The following STON1 variants were observed in gnomAD, a reference collection of about 807,000 sequenced individuals.
STON1 encodes stonin-1.
STON1 carries 79 observed loss-of-function variants against 60.9 expected under a neutral mutation model. The observed-to-expected ratio is 1.30, with a 90% CI of 1.08 to 1.56. The LOEUF (loss-of-function observed/expected upper bound fraction) is 1.56, where lower values mean the gene tolerates loss of function less well. Ranked by LOEUF, STON1 falls within the 40% of genes most tolerant of loss-of-function variation. The pLI is 0.00. For missense variants in STON1, 1,166 were observed against 858.9 expected (o/e 1.36, Z -4.47); for synonymous variants, 363 against 306.9 (o/e 1.18, Z -1.91).
intron 1 of STON1, among the ~76,000 whole-genome samples, chr2:48,569,374 G>C (rs962016885): frequency 6.6e-6 from 1 of 152,190 alleles, no homozygotes; most frequent in Non-Finnish European, 1.5e-5. Context: ...TATTCAATCA[G>C]AAATGTATTA....
chr2:48,559,590 C>A (rs536253550), intron 1 of STON1, among the ~76,000 whole-genome samples: 3 of 152,174 alleles, frequency 2.0e-5, no homozygotes, highest in African/African-American at 4.8e-5. Flanking sequence ...AGAGCATAAA[C>A]GTAACTAATG....
intron 1 of STON1, among the ~76,000 whole-genome samples, chr2:48,564,045 G>T (rs907663134): frequency 6.6e-6 from 1 of 152,048 alleles, no homozygotes; most frequent in African/African-American, 2.4e-5. Context: ...CCTCCTGTTA[G>T]AGGCCCGTGA....
chr2:48,545,021 C>G (rs965330248), intron 1 of STON1, among the ~76,000 whole-genome samples: 10 of 152,142 alleles, frequency 6.6e-5, no homozygotes, highest in Admixed American at 3.3e-4. Flanking sequence ...GTGAAACTCC[C>G]GGTGACTCTT....
intron 1 of STON1, among the ~76,000 whole-genome samples, chr2:48,578,777 G>A (rs1490575350): frequency 4.6e-5 from 7 of 151,702 alleles, no homozygotes; most frequent in African/African-American, 1.7e-4. Context: ...TTTTAGTAGA[G>A]ACTGGGTTTT....
At chr2:48,557,818 G>C (rs910436629) in intron 1 of STON1, among the ~76,000 whole-genome samples, 2 of 152,222 alleles carry the variant, frequency 1.3e-5, no homozygotes, top group Non-Finnish European at 2.9e-5. Context: ...CATAGACTTG[G>C]AGACTTAAAT....
Position 48,580,707 on chromosome 2 carries a change from A to G in STON1, c.74A>G (p.Lys25Arg). The G allele has an allele frequency of 6.8e-7, 1 of 1,469,688 alleles. No homozygotes were observed. The highest frequency in any genetic ancestry group is 1.5e-5 in the South Asian group (1 of 65,034). 91.0% of individuals were successfully genotyped at this position (1,469,688 alleles called of 1,614,324 possible). ...GCTGTTCAATCTTCTCAAAAGTCAA[A>G]GAATTTTCCTCTGGAGAATCAAGGT... ...DPAVQSSQKS[K>R]NFPLENQGVC... The change falls in exon 2 of 4, where the codon AAG (lysine) becomes AGG (arginine). Residue 25 changes from lysine to arginine, a missense_variant. By Grantham distance (26) the Lys-to-Arg change is conservative. Coordinates refer to ENST00000404752, the MANE Select transcript of STON1 (RefSeq NM_006873.4).
At chr2:48,543,067 T>C (rs1352377725) in intron 1 of STON1, among the ~76,000 whole-genome samples, 1 of 150,774 alleles carries the variant, frequency 6.6e-6, no homozygotes, top group Non-Finnish European at 1.5e-5. Context: ...CTCTGCTTCC[T>C]GGGTTTAAGC....
intron 1 of STON1, among the ~76,000 whole-genome samples, chr2:48,577,315 G>A (rs989948145): frequency 2.6e-5 from 4 of 151,970 alleles, no homozygotes; most frequent in African/African-American, 9.7e-5. Flanking sequence ...GGGCGCGGTG[G>A]CTCATCCCTA....
chr2:48,580,821 C>G lies in STON1; in HGVS notation c.188C>G (p.Ser63Cys). 6.4e-7 allele frequency: 1 copy of G among 1,550,518 alleles called. No individual in the cohort carries two copies. The highest frequency in any genetic ancestry group is 1.3e-5 in the South Asian group (1 of 78,584). Residue 63 changes from serine to cysteine, a missense_variant, in exon 2 of 4, where the codon TCC becomes TGC. By Grantham distance (112) the Ser-to-Cys change is moderately radical. Coordinates refer to ENST00000404752, the MANE Select transcript of STON1 (RefSeq NM_006873.4). ...GSSSTSSTPL[S>C]SPIVDFYFSP... ...TCCTCCACCAGCAGCACTCCTCTCT[C>G]CTCCCCCATTGTAGATTTTTATTTC... is the stretch of plus-strand genomic sequence containing the variant.
At chr2:48,565,024 TCCCTGG>T (rs1672876093) in intron 1 of STON1, among the ~76,000 whole-genome samples, 2 of 141,460 alleles carry the variant, frequency 1.4e-5, no homozygotes, top group Non-Finnish European at 3.1e-5. Flanking sequence ...TGAGCCACTG[TCCCTGG>T]CCCTCCGGCT....
intron 1 of STON1, among the ~76,000 whole-genome samples, chr2:48,552,862 G>A (rs1410745616): frequency 6.6e-6 from 1 of 152,204 alleles, no homozygotes; most frequent in Admixed American, 6.5e-5. Flanking sequence ...CAGAAAACAT[G>A]TAGAGGTTGA....
intron 1 of STON1, among the ~76,000 whole-genome samples, chr2:48,550,807 T>C (rs1013324036): frequency 3.3e-5 from 5 of 151,510 alleles, no homozygotes; most frequent in Non-Finnish European, 1.5e-5. Context: ...TGGAAGAAAA[T>C]AGAGGAAAAC....
intron 1 of STON1, among the ~76,000 whole-genome samples, chr2:48,574,717 T>G (rs1168480330): frequency 6.6e-6 from 1 of 152,210 alleles, no homozygotes; most frequent in East Asian, 1.9e-4. Context: ...GGACTGTCAA[T>G]GGGTTATAAG....
rs1175339200 is a variant in STON1, at chr2:48,596,103, T to A, written c.*801T>A. 1.3e-5 allele frequency: 2 copies of A among 152,238 alleles called. No homozygotes were observed. The highest frequency in any genetic ancestry group is 4.8e-5 in the African/African-American group (2 of 41,464). The allele number at this position is 152,238 out of a possible 1,614,324, so 9.4% of individuals were successfully genotyped here. ...ATTAAATATGAATTTTTAAAATTTA[T>A]AAATACTATTTTCCAAAAGTACAGA... On this transcript the variant is annotated 3_prime_UTR_variant, in exon 4 of 4. Coordinates refer to ENST00000404752, the MANE Select transcript of STON1 (RefSeq NM_006873.4).
intron 1 of STON1, chr2:48,531,849 T>C (rs915954596): frequency 6.6e-6 from 1 of 152,230 alleles, no homozygotes; most frequent in Non-Finnish European, 1.5e-5. Context: ...TAGATCAGAT[T>C]CTGAACAACC....
Position 48,580,869 on chromosome 2 carries a change from C to G in STON1, c.236C>G (p.Ser79Cys), listed in dbSNP as rs1673838276. 1.9e-6 allele frequency: 3 copies of G among 1,575,938 alleles called. No homozygotes were observed. Among genetic ancestry groups the G allele is most frequent in the Non-Finnish European group, 2.6e-6 (3 of 1,164,514 alleles). Residue 79 changes from serine (S) to cysteine (C), a missense_variant, in exon 2 of 4, where the codon TCT becomes TGT. Coordinates refer to ENST00000404752, the MANE Select transcript of STON1 (RefSeq NM_006873.4). The stretch of plus-strand genomic sequence containing the variant: ...TTCAGTCCAGGACCTCCAAGTAACT[C>G]TCCTCTTTCTACACCTACCAAAGAC... ...FYFSPGPPSN[S>C]PLSTPTKDFP...
Position 48,595,987 on chromosome 2 carries a change from A to G in STON1, c.*685A>G, listed in dbSNP as rs941602953. ...TTTCTGTTGTCCTACATATTTTAGTATAAATCACTAAGACATATTTCCTTT... is the reference window on the plus strand; with the variant it reads ...TTTCTGTTGTCCTACATATTTTAGTGTAAATCACTAAGACATATTTCCTTT... On this transcript the variant is annotated 3_prime_UTR_variant, in exon 4 of 4. Coordinates refer to ENST00000404752, the MANE Select transcript of STON1 (RefSeq NM_006873.4). 9 of 152,238 alleles carry G rather than the reference A, an allele frequency of 5.9e-5. No homozygotes were observed. The highest frequency in any genetic ancestry group is 1.4e-4 in the African/African-American group (6 of 41,450). 9.4% of individuals were successfully genotyped at this position (152,238 alleles called of 1,614,324 possible). A position where few individuals can be genotyped will look rare whatever the true frequency, so the allele number is the denominator to read the frequency against.
chr2:48,564,447 T>C (rs1015240118), intron 1 of STON1, among the ~76,000 whole-genome samples: 7 of 52,326 alleles, frequency 1.3e-4, no homozygotes, highest in Admixed American at 9.1e-4. Flanking sequence ...CTTCTTCTTC[T>C]TCTTCTTCTT....
At chr2:48,585,654 T>C (rs1459006567) in intron 2 of STON1, among the ~76,000 whole-genome samples, 1 of 152,236 alleles carries the variant, frequency 6.6e-6, no homozygotes, top group Non-Finnish European at 1.5e-5. Flanking sequence ...AAATGGTCTA[T>C]TCTAAAAGTT....
Sources: allele counts gnomAD v4.1 joint callset (sites outside exome capture counted in the v4.1 genomes callset), GRCh38; gene constraint gnomAD v4.1.1; transcripts MANE v1.5; gene names NCBI Gene and HGNC (gene_info 2026-07-23, HGNC 2026-07-21).